KCNIP4: variants seen among roughly 807,000 people sequenced by gnomAD.
The protein encoded by KCNIP4 is potassium voltage-gated channel interacting protein 4.
In KCNIP4, 12 loss-of-function variants were observed where a neutral mutation model predicts 34.0. The ratio of observed to expected loss-of-function variants is 0.35; its 90% CI spans 0.23 to 0.57. KCNIP4 has a LOEUF of 0.57. Ranked by LOEUF, KCNIP4 falls within the 20% of genes least tolerant of loss-of-function variation. The pLI, the probability that KCNIP4 is intolerant of heterozygous loss-of-function variation, is 0.83. For missense variants in KCNIP4, 238 were observed against 311.7 expected (o/e 0.76, Z 1.78); for synonymous variants, 124 against 102.2 (o/e 1.21, Z -1.29).
chr4:21,444,476 C>T lies in KCNIP4; in HGVS notation c.61+504095G>A, dbSNP rs553496571. ...GGATGCAAGGCTGGTTCAACATACG[C>T]AAATCAGTAAACATAATCCAGCATA... is the stretch of plus-strand genomic sequence containing the variant. On this transcript the variant is annotated intron_variant, in intron 1 of 8. Coordinates refer to ENST00000382152, the MANE Select transcript of KCNIP4 (RefSeq NM_025221.6). Among the ~76,000 whole-genome samples, 3 of 152,154 alleles carry T rather than the reference C, an allele frequency of 2.0e-5. 1 individual carries two copies. The highest frequency in any genetic ancestry group is 4.4e-5 in the Non-Finnish European group (3 of 68,038).
At chr4:21,033,131 G>A (rs1250041180) in intron 1 of KCNIP4, among the ~76,000 whole-genome samples, 2 of 152,080 alleles carry the variant, frequency 1.3e-5, no homozygotes, top group Non-Finnish European at 2.9e-5. Flanking sequence ...TTAAACCACT[G>A]GACAACTGAG....
At chr4:21,456,389 G>A (rs1216415472) in intron 1 of KCNIP4, among the ~76,000 whole-genome samples, 1 of 147,806 alleles carries the variant, frequency 6.8e-6, no homozygotes, top group African/African-American at 2.6e-5. Context: ...ACTCTTCCTT[G>A]CTTGGCTGTT....
chr4:21,415,458 G>A (rs1724868190), intron 1 of KCNIP4, among the ~76,000 whole-genome samples: 1 of 151,780 alleles, frequency 6.6e-6, no homozygotes, highest in African/African-American at 2.4e-5. Context: ...TTAGGAGGCT[G>A]AGGCAGGCAG....
At chr4:21,356,358 G>C (rs1718596427) in intron 1 of KCNIP4, among the ~76,000 whole-genome samples, 1 of 152,130 alleles carries the variant, frequency 6.6e-6, no homozygotes, top group Non-Finnish European at 1.5e-5. Flanking sequence ...ATTCAATTAG[G>C]AAAAGAGGAA....
intron 1 of KCNIP4, among the ~76,000 whole-genome samples, chr4:21,744,802 A>G (rs1017704190): frequency 2.0e-5 from 3 of 152,216 alleles, no homozygotes; most frequent in African/African-American, 7.2e-5. Context: ...CTTGTAAGTC[A>G]ATATATTTTG....
At chr4:21,697,706 A>G (rs1005090768) in intron 1 of KCNIP4, 28 of 1,223,466 alleles carry the variant, frequency 2.3e-5, no homozygotes, top group Middle Eastern at 6.3e-4. Context: ...GGCAACAGAC[A>G]GGCTGCCGGT....
rs192074020 is a variant in KCNIP4, at chr4:21,829,167, G to A, written c.61+119404C>T. Among the ~76,000 whole-genome samples, 58 of 151,670 alleles carry A rather than the reference G, an allele frequency of 3.8e-4. 1 individual carries two copies. The highest frequency in any genetic ancestry group is 3.6e-3 in the Admixed American group (55 of 15,240). On this transcript the variant is annotated intron_variant, in intron 1 of 8. Coordinates refer to ENST00000382152, the MANE Select transcript of KCNIP4 (RefSeq NM_025221.6). Reference sequence around the variant, plus strand: ...CAAAAGCAATCTTTGGGTTTGGATCGGTTATTGATTTCAATAGAAACCATA... The same window carrying A: ...CAAAAGCAATCTTTGGGTTTGGATCAGTTATTGATTTCAATAGAAACCATA...
intron 1 of KCNIP4, among the ~76,000 whole-genome samples, chr4:21,661,705 C>T (rs528836792): frequency 1.2e-4 from 18 of 152,302 alleles, no homozygotes; most frequent in African/African-American, 3.8e-4. Flanking sequence ...GACAAAATCT[C>T]TTCTCCTGCC....
At chr4:21,781,533 A>T (rs1434834435) in intron 1 of KCNIP4, among the ~76,000 whole-genome samples, 1 of 152,196 alleles carries the variant, frequency 6.6e-6, no homozygotes, top group Non-Finnish European at 1.5e-5. Context: ...ATAAAGGAAA[A>T]CTAAGAAAAT....
intron 1 of KCNIP4, chr4:21,697,436 A>T: frequency 2.6e-6 from 4 of 1,561,184 alleles, no homozygotes; most frequent in Non-Finnish European, 3.4e-6. Flanking sequence ...ACAGCCACTC[A>T]TCTTAAGCAA....
Position 21,192,611 on chromosome 4 carries a change from C to T in KCNIP4, c.62-309902G>A, listed in dbSNP as rs181232056. ...ACCAGATTAGGCTTTATCCTCATAT[C>T]TTTGAAAACATAAGTTCCATAACAA... On this transcript the variant is annotated intron_variant, in intron 1 of 8. Coordinates refer to ENST00000382152, the MANE Select transcript of KCNIP4 (RefSeq NM_025221.6). Among the ~76,000 whole-genome samples, 229 of 152,190 alleles carry T rather than the reference C, an allele frequency of 1.5e-3. 1 individual carries two copies. Among genetic ancestry groups the T allele is most frequent in the African/African-American group, 5.2e-3 (218 of 41,542 alleles).
At chr4:20,958,375 A>G (rs989340322) in intron 1 of KCNIP4, among the ~76,000 whole-genome samples, 1 of 152,208 alleles carries the variant, frequency 6.6e-6, no homozygotes, top group African/African-American at 2.4e-5. Context: ...TCAGACTTCG[A>G]CCAAAGTCAA....
intron 1 of KCNIP4, among the ~76,000 whole-genome samples, chr4:21,453,493 C>T (rs1435194977): frequency 6.6e-6 from 1 of 151,976 alleles, no homozygotes; most frequent in African/African-American, 2.4e-5. Context: ...CCCATCTAGG[C>T]TTATTAAAAT....
chr4:20,903,624 C>T (rs965340960), intron 1 of KCNIP4, among the ~76,000 whole-genome samples: 5 of 152,010 alleles, frequency 3.3e-5, no homozygotes, highest in African/African-American at 7.2e-5. Flanking sequence ...CTTTCTGAAC[C>T]AAACGAATGT....
intron 1 of KCNIP4, among the ~76,000 whole-genome samples, chr4:21,120,323 A>C (rs1750045566): frequency 6.6e-6 from 1 of 152,234 alleles, no homozygotes; most frequent in Non-Finnish European, 1.5e-5. Flanking sequence ...GGAAGCTGTA[A>C]GTCCAAGATT....
Position 21,760,336 on chromosome 4 carries a change from C to T in KCNIP4, c.61+188235G>A, listed in dbSNP as rs545640793. On this transcript the variant is annotated intron_variant, in intron 1 of 8. Coordinates refer to ENST00000382152, the MANE Select transcript of KCNIP4 (RefSeq NM_025221.6). ...GCACAAGAAAAACCCTGGTAATAAC[C>T]ATGCCAAGAAAATGAGGGAAAACGC... 7.9e-5 allele frequency among the ~76,000 whole-genome samples: 12 copies of T among 152,120 alleles called. No individual in the cohort carries two copies. The South Asian group carries it at 2.3e-3, about 29-fold the overall frequency.
chr4:21,801,921 G>A (rs1721026633), intron 1 of KCNIP4, among the ~76,000 whole-genome samples: 1 of 151,556 alleles, frequency 6.6e-6, no homozygotes, highest in African/African-American at 2.4e-5. Flanking sequence ...AAAAATAGTA[G>A]GAAAGGGATA....
chr4:21,029,231 C>A (rs1187305447), intron 1 of KCNIP4, among the ~76,000 whole-genome samples: 1 of 152,148 alleles, frequency 6.6e-6, no homozygotes, highest in Non-Finnish European at 1.5e-5. Flanking sequence ...AGTATAGAGA[C>A]ACTAAGAAAT....
chr4:20,811,752 G>A (rs1485054725), intron 3 of KCNIP4, among the ~76,000 whole-genome samples: 1 of 152,152 alleles, frequency 6.6e-6, no homozygotes, highest in African/African-American at 2.4e-5. Flanking sequence ...CAAAAGATGA[G>A]CACTTCCGCC....
Sources: allele counts gnomAD v4.1 joint callset (sites outside exome capture counted in the v4.1 genomes callset), GRCh38; gene constraint gnomAD v4.1.1; transcripts MANE v1.5; gene names NCBI Gene and HGNC (gene_info 2026-07-23, HGNC 2026-07-21).